RAB3C: variants seen among roughly 807,000 people sequenced by gnomAD.
The protein encoded by RAB3C is ras-related protein Rab-3C.
In RAB3C, 17 loss-of-function variants were observed where a neutral mutation model predicts 26.4. That is an observed-to-expected ratio of 0.64 (90% CI 0.44 to 0.97). The LOEUF (loss-of-function observed/expected upper bound fraction) is 0.97, where lower values mean the gene tolerates loss of function less well. Among genes scored for constraint, RAB3C ranks in the 50% least tolerant of loss-of-function variants. The pLI, the probability that RAB3C is intolerant of heterozygous loss-of-function variation, is 0.00. For missense variants in RAB3C, 242 were observed against 281.9 expected (o/e 0.86, Z 1.01); for synonymous variants, 91 against 95.9 (o/e 0.95, Z 0.30).
intron 2 of RAB3C, among the ~76,000 whole-genome samples, chr5:58,656,181 C>T (rs1416028599): frequency 6.6e-6 from 1 of 152,114 alleles, no homozygotes; most frequent in African/African-American, 2.4e-5. Context: ...GTAAGGCAGA[C>T]GCTGACCAAA....
chr5:58,799,360 T>C (rs542082053), intron 3 of RAB3C, among the ~76,000 whole-genome samples: 2 of 152,248 alleles, frequency 1.3e-5, no homozygotes, highest in East Asian at 3.9e-4. Flanking sequence ...AATTTTTTTT[T>C]TTAATGAAGA....
intron 2 of RAB3C, among the ~76,000 whole-genome samples, chr5:58,715,596 A>T (rs1749154097): frequency 6.6e-6 from 1 of 152,122 alleles, no homozygotes; most frequent in South Asian, 2.1e-4. Flanking sequence ...TTTTTTGCAC[A>T]AGTTAAATTC....
chr5:58,729,893 A>G (rs1740974762), intron 3 of RAB3C, among the ~76,000 whole-genome samples: 1 of 147,046 alleles, frequency 6.8e-6, no homozygotes, highest in Non-Finnish European at 1.5e-5. Flanking sequence ...ACATATACAT[A>G]TACTATATGT....
chr5:58,813,739 C>T (rs539111027), intron 3 of RAB3C, among the ~76,000 whole-genome samples: 1 of 151,828 alleles, frequency 6.6e-6, no homozygotes, highest in South Asian at 2.1e-4. Context: ...AAAGAAGGGA[C>T]CAGTAAGATG....
chr5:58,741,987 C>T (rs1189078136), intron 3 of RAB3C: 1 of 147,096 alleles, frequency 6.8e-6, no homozygotes, highest in Non-Finnish European at 1.5e-5. Context: ...CTGGACAACA[C>T]AGCGAGACTC....
intron 3 of RAB3C, among the ~76,000 whole-genome samples, chr5:58,761,059 T>TCACACACACA (rs777146349): frequency 1.4e-3 from 97 of 68,652 alleles, no homozygotes; most frequent in African/African-American, 4.5e-3. Context: ...CCTCTCTCTC[T>TCACACACACA]CTCTCACACA....
intron 3 of RAB3C, among the ~76,000 whole-genome samples, chr5:58,771,849 CTT>C (rs540125417): frequency 3.8e-5 from 5 of 131,940 alleles, no homozygotes; most frequent in Non-Finnish European, 8.3e-5. Flanking sequence ...TTTTCTTTTT[CTT>C]TTTTTTTTTT....
chr5:58,721,283 AT>A (rs1234831017), intron 2 of RAB3C, among the ~76,000 whole-genome samples: 1 of 148,844 alleles, frequency 6.7e-6, no homozygotes, highest in African/African-American at 2.5e-5. Context: ...TGAAAGCTGT[AT>A]CACTCATGGA....
intron 3 of RAB3C, among the ~76,000 whole-genome samples, chr5:58,728,867 C>T (rs1015815015): frequency 7.2e-5 from 11 of 151,992 alleles, no homozygotes; most frequent in Admixed American, 1.3e-4. Context: ...CTCTTCCATA[C>T]GCTCTATGTT....
intron 3 of RAB3C, among the ~76,000 whole-genome samples, chr5:58,727,141 T>C (rs898441007): frequency 5.3e-5 from 8 of 151,994 alleles, no homozygotes; most frequent in Non-Finnish European, 7.4e-5. Context: ...GTTTGTTTTC[T>C]ATGATAATAT....
intron 3 of RAB3C, among the ~76,000 whole-genome samples, chr5:58,735,346 T>C (rs1479742492): frequency 2.6e-5 from 4 of 152,190 alleles, no homozygotes; most frequent in Non-Finnish European, 2.9e-5. Context: ...GAAAGCATCA[T>C]GGGTGTTGAT....
At chr5:58,652,915 T>C (rs535273249) in intron 2 of RAB3C, among the ~76,000 whole-genome samples, 8 of 152,140 alleles carry the variant, frequency 5.3e-5, no homozygotes, top group Non-Finnish European at 8.8e-5. Context: ...AAAATAAAAA[T>C]CTGTTGGGTT....
chr5:58,612,548 G>GTA lies in RAB3C; in HGVS notation c.25-5081_25-5080dup, dbSNP rs70973147. ...TATATATATATATATATATATATATGTATATATATATATATGTATATATAT... is the reference window on the plus strand; with the variant it reads ...TATATATATATATATATATATATATGTATATATATATATATATGTATATATAT... On this transcript the variant is annotated intron_variant, in intron 1 of 4. Coordinates refer to ENST00000282878, the MANE Select transcript of RAB3C (RefSeq NM_138453.4). Among the ~76,000 whole-genome samples the GTA allele has an allele frequency of 3.0e-3, 238 of 80,176 alleles. 10 individuals carry two copies. Among genetic ancestry groups the GTA allele is most frequent in the African/African-American group, 9.3e-3 (200 of 21,444 alleles). 52.6% of individuals were successfully genotyped at this position (80,176 alleles called of 152,430 possible).
rs1387588683 is a variant in RAB3C at position 58,855,031 on chromosome 5, A to G, written c.*3680A>G. 1 of 152,194 alleles carries G rather than the reference A, an allele frequency of 6.6e-6. No homozygotes were observed. Among genetic ancestry groups the G allele is most frequent in the African/African-American group, 2.4e-5 (1 of 41,452 alleles). The allele number at this position is 152,194 out of a possible 1,614,324, so 9.4% of individuals were successfully genotyped here. A position where few individuals can be genotyped will look rare whatever the true frequency, so the allele number is the denominator to read the frequency against. ...AAAAGTTAAATACATTCCACTATTAACTGAACTTCCATGAAGCAACATTAA... is the reference window on the plus strand; with the variant it reads ...AAAAGTTAAATACATTCCACTATTAGCTGAACTTCCATGAAGCAACATTAA... On this transcript the variant is annotated 3_prime_UTR_variant, in exon 5 of 5. Coordinates refer to ENST00000282878, the MANE Select transcript of RAB3C (RefSeq NM_138453.4).
At chr5:58,693,336 G>GTATATATATATATATATATATA (rs61291213) in intron 2 of RAB3C, among the ~76,000 whole-genome samples, 7 of 111,742 alleles carry the variant, frequency 6.3e-5, no homozygotes, top group African/African-American at 2.2e-4. Flanking sequence ...ATATATATGT[G>GTATATATATATATATATATATA]TATATATATA....
chr5:58,833,491 T>C (rs1743667203), intron 4 of RAB3C, among the ~76,000 whole-genome samples: 1 of 152,118 alleles, frequency 6.6e-6, no homozygotes, highest in Non-Finnish European at 1.5e-5. Context: ...CACCCAATTG[T>C]GTTAAAGTTG....
intron 2 of RAB3C, among the ~76,000 whole-genome samples, chr5:58,694,869 A>C (rs1365810925): frequency 1.3e-5 from 2 of 152,054 alleles, no homozygotes; most frequent in Non-Finnish European, 2.9e-5. Flanking sequence ...ATTTTCTCCC[A>C]TTCTGTAGGT....
chr5:58,825,594 T>A lies in RAB3C; in HGVS notation c.496+432T>A, dbSNP rs570404541. ...ATCCTAGATTCTGATTCTAGTGACATCACTGATAAGCCATGTTACTGTTAC... is the reference window on the plus strand; with the variant it reads ...ATCCTAGATTCTGATTCTAGTGACAACACTGATAAGCCATGTTACTGTTAC... On this transcript the variant is annotated intron_variant, in intron 4 of 4. Transcript: ENST00000282878. 6.6e-5 allele frequency among the ~76,000 whole-genome samples: 10 copies of A among 152,316 alleles called. No homozygotes were observed. In the South Asian group the frequency reaches 1.0e-3, roughly 16 times the overall value.
At chr5:58,669,115 C>T (rs920025809) in intron 2 of RAB3C, among the ~76,000 whole-genome samples, 5 of 152,130 alleles carry the variant, frequency 3.3e-5, no homozygotes, top group Admixed American at 1.3e-4. Context: ...AATACTATTA[C>T]ATTGAGAGTC....
Sources: allele counts gnomAD v4.1 joint callset (sites outside exome capture counted in the v4.1 genomes callset), GRCh38; gene constraint gnomAD v4.1.1; transcripts MANE v1.5; gene names NCBI Gene and HGNC (gene_info 2026-07-23, HGNC 2026-07-21).